The following PDE4B variants were observed in gnomAD, a reference collection of about 807,000 sequenced individuals.
The protein encoded by PDE4B is 3',5'-cyclic-AMP phosphodiesterase 4B.
PDE4B carries 20 observed loss-of-function variants against 82.2 expected under a neutral mutation model. The ratio of observed to expected loss-of-function variants is 0.24; its 90% CI spans 0.17 to 0.35. PDE4B has a LOEUF of 0.35. Ranked by LOEUF, PDE4B falls within the 10% of genes least tolerant of loss-of-function variation. The pLI is 1.00. For synonymous variants in PDE4B, 320 were observed against 318.9 expected (o/e 1.00, Z -0.04); for missense variants, 655 against 907.2 (o/e 0.72, Z 3.57).
At chr1:66,312,690 C>T (rs1658753315) in intron 7 of PDE4B, among the ~76,000 whole-genome samples, 1 of 152,178 alleles carries the variant, frequency 6.6e-6, no homozygotes, top group Non-Finnish European at 1.5e-5. Flanking sequence ...AGAGTGATTT[C>T]AGGATCTCAA....
At chr1:65,971,219 A>G (rs1191564215) in intron 3 of PDE4B, among the ~76,000 whole-genome samples, 3 of 152,086 alleles carry the variant, frequency 2.0e-5, no homozygotes, top group Admixed American at 1.3e-4. Flanking sequence ...ACTAGACGCT[A>G]GGCAATTGAG....
At chr1:66,281,294 A>G (rs1444316259) in intron 7 of PDE4B, among the ~76,000 whole-genome samples, 1 of 152,240 alleles carries the variant, frequency 6.6e-6, no homozygotes, top group Non-Finnish European at 1.5e-5. Context: ...AATCTTTAAC[A>G]GGGAACAGTT....
At chr1:65,894,066 C>T (rs956194847) in intron 1 of PDE4B, among the ~76,000 whole-genome samples, 4 of 151,510 alleles carry the variant, frequency 2.6e-5, no homozygotes, top group African/African-American at 4.9e-5. Flanking sequence ...GGGTGATGGG[C>T]GCACTAAAAT....
chr1:66,207,546 C>T (rs1247877220), intron 3 of PDE4B, among the ~76,000 whole-genome samples: 1 of 152,168 alleles, frequency 6.6e-6, no homozygotes, highest in Non-Finnish European at 1.5e-5. Context: ...TTGCTAACCT[C>T]GTTACTGGCA....
intron 3 of PDE4B, among the ~76,000 whole-genome samples, chr1:66,124,615 C>T (rs1296863162): frequency 2.0e-5 from 3 of 152,130 alleles, no homozygotes; most frequent in African/African-American, 7.2e-5. Flanking sequence ...TTCAATATAT[C>T]ATCCCCCATA....
Position 65,871,823 on chromosome 1 carries a change from T to C in PDE4B, c.-70-41422T>C, listed in dbSNP as rs1211386362. ...TAATAATGCTTGCCAAGAAGTATAA[T>C]ACATGAAATTCTATCTCTAGATGTC... On this transcript the variant is annotated intron_variant, in intron 1 of 16. Coordinates refer to ENST00000341517, the MANE Select transcript of PDE4B (RefSeq NM_002600.4). 2.6e-5 allele frequency among the ~76,000 whole-genome samples: 4 copies of C among 152,168 alleles called. No individual in the cohort carries two copies. The East Asian group carries it at 5.8e-4, about 22-fold the overall frequency.
rs948678406 is a variant in PDE4B at position 66,067,697 on chromosome 1, A to G, written c.281+148862A>G. On this transcript the variant is annotated intron_variant, in intron 3 of 16. Coordinates refer to ENST00000341517, the MANE Select transcript of PDE4B (RefSeq NM_002600.4). ...TGCAGAAGTTCTTTAGTTTAATTAG[A>G]TTCCATTTGTCAATTTTGGCTTTTA... Among the ~76,000 whole-genome samples the G allele has an allele frequency of 2.4e-4, 36 of 152,128 alleles. 1 individual carries two copies. Among genetic ancestry groups the G allele is most frequent in the African/African-American group, 8.7e-4 (36 of 41,510 alleles).
intron 3 of PDE4B, among the ~76,000 whole-genome samples, chr1:66,049,097 TGA>T (rs1387262986): frequency 1.3e-5 from 2 of 152,186 alleles, no homozygotes; most frequent in East Asian, 3.9e-4. Flanking sequence ...ATTGTTATTC[TGA>T]GAGTGGAAAT....
rs144216943 is a variant in PDE4B at position 66,070,024 on chromosome 1, C to T, written c.281+151189C>T. 1.5e-4 allele frequency among the ~76,000 whole-genome samples: 23 copies of T among 152,002 alleles called. No individual in the cohort carries two copies. In the East Asian group the frequency reaches 3.5e-3, roughly 23 times the overall value. ...ACTATGTATTTTTGTGTTTGCTCAT[C>T]GAGGGGGACTTTGAAATCTTGATCA... On this transcript the variant is annotated intron_variant, in intron 3 of 16. Coordinates refer to ENST00000341517, the MANE Select transcript of PDE4B (RefSeq NM_002600.4).
rs2270865 is a variant in PDE4B at position 66,042,906 on chromosome 1, A to C, written c.281+124071A>C. ...ATATAAGTCCAGTAAGCCATGAATC[A>C]AATTGGAACTGTACTTCAGCAATGG... On this transcript the variant is annotated intron_variant, in intron 3 of 16. Coordinates refer to ENST00000341517, the MANE Select transcript of PDE4B (RefSeq NM_002600.4). Among the ~76,000 whole-genome samples, 144 of 151,938 alleles carry C rather than the reference A, an allele frequency of 9.5e-4. 2 individuals are homozygous for C. In the East Asian group the frequency reaches 0.015, roughly 16 times the overall value.
intron 3 of PDE4B, among the ~76,000 whole-genome samples, chr1:66,064,143 G>A (rs986336719): frequency 8.6e-5 from 13 of 152,010 alleles, no homozygotes; most frequent in African/African-American, 3.1e-4. Flanking sequence ...TTTAGGTTTC[G>A]CTCAAGTTTT....
At chr1:65,936,010 T>C (rs1379015058) in intron 3 of PDE4B, among the ~76,000 whole-genome samples, 3 of 152,208 alleles carry the variant, frequency 2.0e-5, no homozygotes, top group Non-Finnish European at 2.9e-5. Context: ...ATATTTGTTA[T>C]ATCCTTATTC....
At chr1:66,111,269 A>G (rs2101051998) in intron 3 of PDE4B, among the ~76,000 whole-genome samples, 1 of 152,242 alleles carries the variant, frequency 6.6e-6, no homozygotes, top group Admixed American at 6.6e-5. Flanking sequence ...TGTAAAATAT[A>G]TATAACAAAA....
At chr1:66,124,453 T>G (rs1323778718) in intron 3 of PDE4B, among the ~76,000 whole-genome samples, 1 of 152,228 alleles carries the variant, frequency 6.6e-6, no homozygotes, top group East Asian at 1.9e-4. Context: ...TTCGGCAACA[T>G]CCAAGTAGAT....
chr1:66,060,775 C>A (rs1655544666), intron 3 of PDE4B, among the ~76,000 whole-genome samples: 1 of 151,884 alleles, frequency 6.6e-6, no homozygotes, highest in South Asian at 2.1e-4. Context: ...TTAGTTATTC[C>A]AATTGTAGGA....
At chr1:65,859,611 G>A (rs1190741679) in intron 1 of PDE4B, among the ~76,000 whole-genome samples, 1 of 152,004 alleles carries the variant, frequency 6.6e-6, no homozygotes, top group African/African-American at 2.4e-5. Flanking sequence ...CGTCAAAAGC[G>A]AGCTTGCTGT....
chr1:65,813,569 G>A (rs558629788), intron 1 of PDE4B, among the ~76,000 whole-genome samples: 39 of 152,240 alleles, frequency 2.6e-4, no homozygotes, highest in African/African-American at 9.4e-4. Context: ...TGTGGGCCCT[G>A]GAAATCATAT....
intron 3 of PDE4B, among the ~76,000 whole-genome samples, chr1:65,928,883 C>A (rs1569718250): frequency 6.6e-6 from 1 of 152,142 alleles, no homozygotes; most frequent in East Asian, 1.9e-4. Context: ...TTTAACTCAC[C>A]AAGCTGCAAC....
At chr1:66,327,555 G>T (rs1463498961) in intron 7 of PDE4B, among the ~76,000 whole-genome samples, 1 of 152,076 alleles carries the variant, frequency 6.6e-6, no homozygotes, top group Non-Finnish European at 1.5e-5. Context: ...AATACTAAAA[G>T]GTTTACAGTC....
Sources: allele counts gnomAD v4.1 joint callset (sites outside exome capture counted in the v4.1 genomes callset), GRCh38; gene constraint gnomAD v4.1.1; transcripts MANE v1.5; gene names NCBI Gene and HGNC (gene_info 2026-07-23, HGNC 2026-07-21).